UMAD1: variants seen among roughly 807,000 people sequenced by gnomAD.
UMAD1 encodes UBAP1-MVB12-associated (UMA)-domain containing protein 1.
In UMAD1, 8 loss-of-function variants were observed where a neutral mutation model predicts 6.1. That is an observed-to-expected ratio of 1.30 (90% CI 0.76 to 2.35). The LOEUF (loss-of-function observed/expected upper bound fraction) is 2.35, where lower values mean the gene tolerates loss of function less well. Ranked by LOEUF, UMAD1 falls within the 30% of genes most tolerant of loss-of-function variation. The pLI, the probability that UMAD1 is intolerant of heterozygous loss-of-function variation, is 0.00. For synonymous variants in UMAD1, 56 were observed against 31.4 expected (o/e 1.78, Z -2.61); for missense variants, 130 against 78.4 (o/e 1.66, Z -2.49).
chr7:7,788,894 A>T (rs1782506794), intron 2 of UMAD1, among the ~76,000 whole-genome samples: 1 of 152,218 alleles, frequency 6.6e-6, no homozygotes, highest in South Asian at 2.1e-4. Context: ...TAAAGGTTAC[A>T]CATATTCGCC....
chr7:7,827,319 G>A (rs943224203), intron 3 of UMAD1, among the ~76,000 whole-genome samples: 1 of 152,034 alleles, frequency 6.6e-6, no homozygotes, highest in African/African-American at 2.4e-5. Flanking sequence ...GGCTGCAGTG[G>A]CCAACGAAGG....
intron 3 of UMAD1, among the ~76,000 whole-genome samples, chr7:7,851,792 A>G (rs968322317): frequency 1.3e-5 from 2 of 152,102 alleles, no homozygotes; most frequent in Non-Finnish European, 1.5e-5. Context: ...TCCTTTATCA[A>G]ATATATACTT....
chr7:7,720,769 C>A (rs1392991217), intron 2 of UMAD1, among the ~76,000 whole-genome samples: 1 of 152,120 alleles, frequency 6.6e-6, no homozygotes, highest in Non-Finnish European at 1.5e-5. Flanking sequence ...AGGCTAAGTG[C>A]AGGTGTGCTG....
At chr7:7,742,330 G>T in intron 2 of UMAD1, 1 of 617,292 alleles carries the variant, frequency 1.6e-6, no homozygotes, top group Non-Finnish European at 3.1e-6. Context: ...TGATAGTGTA[G>T]TGGTTAAGCT....
At chr7:7,831,828 T>C (rs927990894) in intron 3 of UMAD1, among the ~76,000 whole-genome samples, 1 of 152,210 alleles carries the variant, frequency 6.6e-6, no homozygotes, top group African/African-American at 2.4e-5. Flanking sequence ...ATAATTATTA[T>C]TAGTAATAGG....
chr7:7,758,063 T>C (rs550437387), intron 2 of UMAD1, among the ~76,000 whole-genome samples: 28 of 152,024 alleles, frequency 1.8e-4, no homozygotes, highest in Non-Finnish European at 3.5e-4. Flanking sequence ...TTTAAAATTA[T>C]TTTTACATTA....
intron 1 of UMAD1, among the ~76,000 whole-genome samples, chr7:7,662,718 G>A (rs1293667946): frequency 6.6e-6 from 1 of 152,178 alleles, no homozygotes; most frequent in Non-Finnish European, 1.5e-5. Flanking sequence ...CGCCTTCTGT[G>A]TTGATCTCAC....
intron 3 of UMAD1, among the ~76,000 whole-genome samples, chr7:7,862,472 A>G (rs1380603931): frequency 6.6e-6 from 1 of 152,230 alleles, no homozygotes; most frequent in African/African-American, 2.4e-5. Context: ...AGATACTTAC[A>G]ATAAATAAGG....
At chr7:7,833,454 A>C (rs2115306586) in intron 3 of UMAD1, among the ~76,000 whole-genome samples, 1 of 152,076 alleles carries the variant, frequency 6.6e-6, no homozygotes, top group Non-Finnish European at 1.5e-5. Context: ...AACTTTTAGG[A>C]ATTTAGAACA....
At chr7:7,781,093 C>A (rs1782335157) in intron 2 of UMAD1, among the ~76,000 whole-genome samples, 1 of 152,124 alleles carries the variant, frequency 6.6e-6, no homozygotes, top group Non-Finnish European at 1.5e-5. Flanking sequence ...GCCAAATTGC[C>A]TTCTAGAAAG....
chr7:7,855,653 G>C (rs1161387928), intron 3 of UMAD1, among the ~76,000 whole-genome samples: 3 of 152,216 alleles, frequency 2.0e-5, no homozygotes, highest in Non-Finnish European at 4.4e-5. Context: ...GGAGGAGCTG[G>C]TGCGAAGCTC....
chr7:7,832,289 CCA>C (rs1414000945), intron 3 of UMAD1, among the ~76,000 whole-genome samples: 1 of 152,132 alleles, frequency 6.6e-6, no homozygotes, highest in Non-Finnish European at 1.5e-5. Flanking sequence ...GAAATATTTT[CCA>C]CAGACTGCAT....
At chr7:7,705,537 T>G (rs1465125542) in intron 2 of UMAD1, among the ~76,000 whole-genome samples, 2 of 152,222 alleles carry the variant, frequency 1.3e-5, no homozygotes, top group Non-Finnish European at 2.9e-5. Context: ...TGTAATCATC[T>G]GGCTCTAAGT....
chr7:7,825,153 G>T (rs1783315672), intron 3 of UMAD1, among the ~76,000 whole-genome samples: 1 of 152,052 alleles, frequency 6.6e-6, no homozygotes, highest in Admixed American at 6.6e-5. Context: ...GGTGGGCGCA[G>T]GGGGGAGTGT....
intron 1 of UMAD1, among the ~76,000 whole-genome samples, chr7:7,649,579 T>C (rs923927991): frequency 2.0e-5 from 3 of 152,226 alleles, no homozygotes; most frequent in African/African-American, 7.2e-5. Context: ...TTGTTGTTAT[T>C]TTTTCCTTTC....
chr7:7,826,208 A>G (rs1342810163), intron 3 of UMAD1, among the ~76,000 whole-genome samples: 1 of 152,118 alleles, frequency 6.6e-6, no homozygotes, highest in Admixed American at 6.6e-5. Context: ...TTAACAAAAC[A>G]GGGGTTTGTT....
At chr7:7,723,940 A>G (rs906388054) in intron 2 of UMAD1, among the ~76,000 whole-genome samples, 2 of 152,220 alleles carry the variant, frequency 1.3e-5, no homozygotes, top group Non-Finnish European at 2.9e-5. Flanking sequence ...GAAAATTTTC[A>G]GATCGAATGG....
At chr7:7,865,308 G>T (rs928498823) in intron 3 of UMAD1, among the ~76,000 whole-genome samples, 1 of 152,206 alleles carries the variant, frequency 6.6e-6, no homozygotes, top group African/African-American at 2.4e-5. Flanking sequence ...GGAAGTTAGC[G>T]TTGGAATTGA....
At chr7:7,755,084 A>G (rs1419750291) in intron 2 of UMAD1, among the ~76,000 whole-genome samples, 1 of 152,216 alleles carries the variant, frequency 6.6e-6, no homozygotes, top group East Asian at 1.9e-4. Flanking sequence ...TCTCAAAACC[A>G]AATTCCAAGT....
Sources: gnomAD v4.1 joint callset for allele counts (sites outside exome capture counted in the v4.1 genomes callset) on GRCh38, gnomAD v4.1.1 for gene constraint, MANE v1.5 for transcripts, NCBI Gene and HGNC (gene_info 2026-07-23, HGNC 2026-07-21) for gene names.